SEMA3A: variants seen among roughly 807,000 people sequenced by gnomAD.
SEMA3A encodes the protein semaphorin-3A.
Under a neutral mutation model 97.9 loss-of-function variants are expected in SEMA3A, and 29 were observed. The observed-to-expected ratio is 0.30, with a 90% CI of 0.22 to 0.40. The LOEUF is 0.40. Ranked by LOEUF, SEMA3A falls within the 10% of genes least tolerant of loss-of-function variation. The pLI, the probability that SEMA3A is intolerant of heterozygous loss-of-function variation, is 1.00. For missense variants in SEMA3A, 763 were observed against 951.3 expected (o/e 0.80, Z 2.60); for synonymous variants, 321 against 323.7 (o/e 0.99, Z 0.09).
intron 4 of SEMA3A, among the ~76,000 whole-genome samples, chr7:84,070,617 G>A (rs574363770): frequency 2.6e-5 from 4 of 152,146 alleles, no homozygotes; most frequent in South Asian, 4.1e-4. Context: ...ATAGTTGGAC[G>A]GTATTGAAAG....
chr7:84,479,458 T>C (rs1806387218), intron 1 of SEMA3A, among the ~76,000 whole-genome samples: 1 of 152,206 alleles, frequency 6.6e-6, no homozygotes, highest in South Asian at 2.1e-4. Context: ...GTCAAGGCTG[T>C]GTTGCACACA....
At chr7:84,174,613 T>C (rs536340096) in intron 1 of SEMA3A, among the ~76,000 whole-genome samples, 40 of 152,334 alleles carry the variant, frequency 2.6e-4, no homozygotes, top group African/African-American at 9.1e-4. Flanking sequence ...GTAAACTTAA[T>C]TATGTAATGG....
chr7:84,317,255 C>T (rs28386953), intron 2 of SEMA3A, among the ~76,000 whole-genome samples: 2,800 of 152,218 alleles, frequency 0.018, 88 homozygotes, highest in African/African-American at 0.064. Flanking sequence ...TGAGAACACT[C>T]CTTTACTTTT....
chr7:84,340,342 T>C (rs961528719), intron 2 of SEMA3A, among the ~76,000 whole-genome samples: 4 of 152,174 alleles, frequency 2.6e-5, no homozygotes, highest in African/African-American at 9.6e-5. Context: ...TCTAGTAATT[T>C]TGAACTTAGT....
At chr7:84,349,882 G>T (rs1192020601) in intron 2 of SEMA3A, among the ~76,000 whole-genome samples, 1 of 151,840 alleles carries the variant, frequency 6.6e-6, no homozygotes, top group Non-Finnish European at 1.5e-5. Context: ...AGTCTTCAAA[G>T]ATTTGTCCTA....
chr7:84,428,163 G>A (rs56352820), intron 1 of SEMA3A, among the ~76,000 whole-genome samples: 17,011 of 152,006 alleles, frequency 0.11, 1,189 homozygotes, highest in East Asian at 0.28. Flanking sequence ...ATTCAATAAC[G>A]CTTTCCTATA....
intron 4 of SEMA3A, among the ~76,000 whole-genome samples, chr7:84,063,345 T>G (rs1793334368): frequency 6.7e-6 from 1 of 150,052 alleles, no homozygotes; most frequent in East Asian, 2.1e-4. Context: ...AACTGGAAAC[T>G]CTAAAAAGCA....
At position 84,491,386 on chromosome 7, in the gene SEMA3A, A is replaced by G. The variant is rs533762392; in HGVS notation, c.-246+1074T>C. 2.0e-5 allele frequency among the ~76,000 whole-genome samples: 3 copies of G among 152,294 alleles called. No individual in the cohort carries two copies. The South Asian group carries it at 6.2e-4, about 32-fold the overall frequency. On this transcript the variant is annotated intron_variant, in intron 1 of 3. Coordinates refer to the SEMA3A transcript ENST00000424555. The stretch of plus-strand genomic sequence containing the variant: ...ATGACTATTACTAGATAAGAAATGC[A>G]GAAAGGTTTTCTTGCATTCTCTTTA...
chr7:84,016,260 C>T (rs533626720), intron 6 of SEMA3A, among the ~76,000 whole-genome samples: 31 of 152,192 alleles, frequency 2.0e-4, no homozygotes, highest in Middle Eastern at 3.4e-3. Flanking sequence ...AGAAACCTGG[C>T]CGGGCACGGT....
At chr7:84,285,263 G>A (rs2115760146) in intron 3 of SEMA3A, among the ~76,000 whole-genome samples, 1 of 152,172 alleles carries the variant, frequency 6.6e-6, no homozygotes, top group Non-Finnish European at 1.5e-5. Flanking sequence ...CTAAAAAACT[G>A]TGGGAAGACA....
intron 15 of SEMA3A, among the ~76,000 whole-genome samples, chr7:83,968,641 T>C (rs1224785344): frequency 6.6e-6 from 1 of 152,134 alleles, no homozygotes; most frequent in Non-Finnish European, 1.5e-5. Flanking sequence ...CTCTCAGTCT[T>C]CTTGCTCTAT....
chr7:84,230,256 T>C (rs1250037459), intron 3 of SEMA3A, among the ~76,000 whole-genome samples: 2 of 152,032 alleles, frequency 1.3e-5, no homozygotes, highest in Non-Finnish European at 2.9e-5. Context: ...TTATCCCTGC[T>C]CTTTTTTCTT....
At chr7:84,028,281 T>G (rs920353823) in intron 6 of SEMA3A, among the ~76,000 whole-genome samples, 1 of 152,160 alleles carries the variant, frequency 6.6e-6, no homozygotes, top group African/African-American at 2.4e-5. Context: ...AATAAAAAAG[T>G]AGCATTTGTT....
chr7:83,993,567 G>A (rs865863097), intron 12 of SEMA3A, among the ~76,000 whole-genome samples: 431 of 149,084 alleles, frequency 2.9e-3, no homozygotes, highest in African/African-American at 7.4e-3. Flanking sequence ...TTTCTCCTTC[G>A]CTTATGAAGC....
At chr7:84,226,364 CT>C in intron 3 of SEMA3A, among the ~76,000 whole-genome samples, 1 of 151,962 alleles carries the variant, frequency 6.6e-6, no homozygotes, top group East Asian at 1.9e-4. Flanking sequence ...TTTACAAAAA[CT>C]AAAAAAACAG....
intron 2 of SEMA3A, among the ~76,000 whole-genome samples, chr7:84,359,277 G>C (rs965605668): frequency 5.9e-5 from 9 of 151,962 alleles, no homozygotes; most frequent in Non-Finnish European, 1.2e-4. Context: ...CTGTGGGTTT[G>C]TCATAAATAG....
At chr7:84,145,120 A>C (rs550808739) in intron 1 of SEMA3A, among the ~76,000 whole-genome samples, 1 of 152,082 alleles carries the variant, frequency 6.6e-6, no homozygotes, top group African/African-American at 2.4e-5. Context: ...AATGCTTTCC[A>C]TCTTCCACCC....
chr7:84,060,426 A>G (rs773538408), intron 5 of SEMA3A, 39 bp downstream of exon 5: 1 of 1,291,344 alleles, frequency 7.7e-7, no homozygotes, highest in Admixed American at 2.4e-5. Flanking sequence ...TTTGTTATTT[A>G]TAGAAAACTC....
chr7:84,434,004 T>G (rs983138144), intron 1 of SEMA3A, among the ~76,000 whole-genome samples: 1 of 152,190 alleles, frequency 6.6e-6, no homozygotes, highest in Admixed American at 6.5e-5. Context: ...TGTAAAAACT[T>G]TCTCCCTTTC....
Sources: gnomAD v4.1 joint callset for allele counts (sites outside exome capture counted in the v4.1 genomes callset) on GRCh38, gnomAD v4.1.1 for gene constraint, MANE v1.5 for transcripts, NCBI Gene and HGNC (gene_info 2026-07-23, HGNC 2026-07-21) for gene names.